The following ATP8A2 variants were observed in gnomAD, a reference collection of about 807,000 sequenced individuals.
ATP8A2 encodes the protein phospholipid-transporting ATPase IB.
A neutral mutation model predicts 165.6 loss-of-function variants in ATP8A2; 100 were observed. The ratio of observed to expected loss-of-function variants is 0.60; its 90% CI spans 0.51 to 0.71. The LOEUF is 0.71. Among genes scored for constraint, ATP8A2 ranks in the 30% least tolerant of loss-of-function variants. The probability of loss-of-function intolerance (pLI) is 0.00; values close to 1 mark genes in which losing one functional copy is unlikely to be tolerated. For missense variants in ATP8A2, 1,227 were observed against 1,479.5 expected (o/e 0.83, Z 2.80); for synonymous variants, 543 against 548.8 (o/e 0.99, Z 0.15).
chr13:25,829,668 G>GTGTATATATATATA (rs1312948758), intron 28 of ATP8A2, among the ~76,000 whole-genome samples: 1 of 63,394 alleles, frequency 1.6e-5, no homozygotes, highest in Admixed American at 1.7e-4. Context: ...GACAGGTGTG[G>GTGTATATATATATA]TATATATATA....
At chr13:25,427,192 A>G (rs2034475613) in intron 1 of ATP8A2, among the ~76,000 whole-genome samples, 1 of 152,080 alleles carries the variant, frequency 6.6e-6, no homozygotes, top group Non-Finnish European at 1.5e-5. Context: ...ATAGCTCCCC[A>G]TTACTGCCTG....
intron 1 of ATP8A2, among the ~76,000 whole-genome samples, chr13:25,379,309 C>T (rs567924892): frequency 6.6e-6 from 1 of 152,172 alleles, no homozygotes; most frequent in Non-Finnish European, 1.5e-5. Context: ...ATTATGGAGA[C>T]TGATTATATA....
At chr13:25,548,244 A>G (rs781342771) in intron 10 of ATP8A2, among the ~76,000 whole-genome samples, 2 of 151,994 alleles carry the variant, frequency 1.3e-5, no homozygotes, top group African/African-American at 2.4e-5. Context: ...AAACAAACAA[A>G]CAAAACAAAA....
intron 33 of ATP8A2, among the ~76,000 whole-genome samples, chr13:25,957,307 C>G (rs1000558247): frequency 2.6e-5 from 4 of 152,126 alleles, no homozygotes; most frequent in Non-Finnish European, 5.9e-5. Flanking sequence ...GCAAAAGAAA[C>G]TATCATCAGA....
chr13:25,892,478 G>GTCTCTCTCTCTCTCTCTCTCTCTC (rs144283908), intron 33 of ATP8A2, among the ~76,000 whole-genome samples: 1,542 of 136,076 alleles, frequency 0.011, 94 homozygotes, highest in African/African-American at 0.035. Flanking sequence ...CTGTCTCTCT[G>GTCTCTCTCTCTCTCTCTCTCTCTC]TCTCTCTCTC....
At chr13:25,383,639 G>A (rs968473632) in intron 1 of ATP8A2, among the ~76,000 whole-genome samples, 1 of 152,122 alleles carries the variant, frequency 6.6e-6, no homozygotes. Context: ...AAGGTATTTT[G>A]ATAGTATTTT....
At chr13:25,912,650 T>C (rs916998893) in intron 33 of ATP8A2, among the ~76,000 whole-genome samples, 7 of 152,190 alleles carry the variant, frequency 4.6e-5, no homozygotes, top group African/African-American at 1.4e-4. Flanking sequence ...TTGCACCCCA[T>C]AAATACATGT....
chr13:25,955,474 A>C (rs1473798032), intron 33 of ATP8A2, among the ~76,000 whole-genome samples: 4 of 152,236 alleles, frequency 2.6e-5, no homozygotes, highest in Non-Finnish European at 1.5e-5. Flanking sequence ...AATACAAACT[A>C]CCGTCAGAGA....
At chr13:25,383,034 T>C (rs533787793) in intron 1 of ATP8A2, among the ~76,000 whole-genome samples, 255 of 144,264 alleles carry the variant, frequency 1.8e-3, no homozygotes, top group African/African-American at 4.3e-3. Context: ...GGATTACAGG[T>C]GTGAGCCACC....
At chr13:25,961,906 C>T (rs1354038853) in intron 34 of ATP8A2, among the ~76,000 whole-genome samples, 1 of 152,174 alleles carries the variant, frequency 6.6e-6, no homozygotes, top group Non-Finnish European at 1.5e-5. Flanking sequence ...TAGCTCTAGT[C>T]TCAGCTACTT....
chr13:25,817,101 G>A (rs865818531), intron 27 of ATP8A2, among the ~76,000 whole-genome samples: 38 of 152,108 alleles, frequency 2.5e-4, no homozygotes, highest in African/African-American at 7.7e-4. Flanking sequence ...ATTAATGAAC[G>A]ACAGCAGATC....
rs574226123 is a variant in ATP8A2 at position 25,640,964 on chromosome 13, A to G, written c.2211+51265A>G. 1.1e-3 allele frequency among the ~76,000 whole-genome samples: 167 copies of G among 152,350 alleles called. 2 individuals are homozygous for G. Among genetic ancestry groups the G allele is most frequent in the African/African-American group, 3.8e-3 (158 of 41,578 alleles). On this transcript the variant is annotated intron_variant, in intron 24 of 36. Coordinates refer to ENST00000381655, the MANE Select transcript of ATP8A2 (RefSeq NM_016529.6). ...GCTGGTTCAACATACGCAAATCAATAAATGTAATCCAGCATATAAACAGAA... is the reference window on the plus strand; with the variant it reads ...GCTGGTTCAACATACGCAAATCAATGAATGTAATCCAGCATATAAACAGAA...
At chr13:25,535,250 G>A (rs2038240985) in intron 6 of ATP8A2, among the ~76,000 whole-genome samples, 4 of 152,210 alleles carry the variant, frequency 2.6e-5, no homozygotes, top group Admixed American at 6.5e-5. Flanking sequence ...TCCCCAAAAT[G>A]ATAATAATCT....
intron 35 of ATP8A2, among the ~76,000 whole-genome samples, chr13:26,002,847 AC>A (rs879383419): frequency 0.038 from 3,593 of 93,448 alleles, 137 homozygotes; most frequent in African/African-American, 0.12. Context: ...ATAGTATTCC[AC>A]TGTGTGTGTG....
At chr13:25,653,076 G>T (rs1259427308) in intron 24 of ATP8A2, among the ~76,000 whole-genome samples, 2 of 152,300 alleles carry the variant, frequency 1.3e-5, no homozygotes, top group East Asian at 3.9e-4. Flanking sequence ...AACGTCTTCA[G>T]GTCCAGGAAG....
chr13:25,720,451 T>C (rs3132357), intron 25 of ATP8A2, among the ~76,000 whole-genome samples: 33,699 of 152,040 alleles, frequency 0.22, 5,659 homozygotes, highest in African/African-American at 0.48. Context: ...CATGAGCCAC[T>C]GCGCCTGGCC....
Position 25,750,866 on chromosome 13 carries a change from T to C in ATP8A2, c.2385-18180T>C, listed in dbSNP as rs954998183. Among the ~76,000 whole-genome samples the C allele has an allele frequency of 2.6e-5, 4 of 152,148 alleles. No individual in the cohort carries two copies. The highest frequency in any genetic ancestry group is 4.8e-5 in the African/African-American group (2 of 41,428). On this transcript the variant is annotated intron_variant, in intron 25 of 36. Coordinates refer to ENST00000381655, the MANE Select transcript of ATP8A2 (RefSeq NM_016529.6). The surrounding 1 kb of genome is among the most constrained non-coding windows in gnomAD (Gnocchi z 4.3). ...CACTAAAGTATTCCTAGTGACAACA[T>C]AGCCATGTTTAAAGCCTGAGATTGT...
chr13:25,606,808 A>C (rs1343328200), intron 24 of ATP8A2, among the ~76,000 whole-genome samples: 1 of 152,202 alleles, frequency 6.6e-6, no homozygotes, highest in African/African-American at 2.4e-5. Context: ...TAATCACTTG[A>C]AACATAACTA....
intron 27 of ATP8A2, among the ~76,000 whole-genome samples, chr13:25,802,982 A>G (rs1405674219): frequency 6.6e-6 from 1 of 151,908 alleles, no homozygotes. Context: ...AGCTAATTAG[A>G]TATGGGTAAG....
Sources: gnomAD v4.1 joint callset for allele counts (sites outside exome capture counted in the v4.1 genomes callset) on GRCh38, gnomAD v4.1.1 for gene constraint, Gnocchi (gnomAD v3.1) non-coding constraint, MANE v1.5 for transcripts, NCBI Gene and HGNC (gene_info 2026-07-23, HGNC 2026-07-21) for gene names.